Variants in EDNRB observed in about 807,000 individuals in gnomAD.
EDNRB encodes the protein Hirschsprung disease 2.
Under a neutral mutation model 46.4 loss-of-function variants are expected in EDNRB, and 18 were observed. That is an observed-to-expected ratio of 0.39 (90% CI 0.27 to 0.57). The LOEUF (loss-of-function observed/expected upper bound fraction) is 0.57. EDNRB is among the 20% of genes least tolerant of loss of function. EDNRB has a pLI of 0.61. For synonymous variants in EDNRB, 213 were observed against 204.9 expected (o/e 1.04, Z -0.34); for missense variants, 434 against 537.5 (o/e 0.81, Z 1.90).
intron 1 of EDNRB, among the ~76,000 whole-genome samples, chr13:77,928,888 AC>A (rs1177286641): frequency 6.6e-6 from 1 of 152,240 alleles, no homozygotes; most frequent in Non-Finnish European, 1.5e-5. Flanking sequence ...ATAACAAAAA[AC>A]ATCTTCCAAC....
chr13:77,897,911 T>G lies in EDNRB; in HGVS notation c.*289A>C, dbSNP rs1878716650. 3 of 1,142,462 alleles carry G rather than the reference T, an allele frequency of 2.6e-6. No individual in the cohort carries two copies. Among genetic ancestry groups the G allele is most frequent in the Non-Finnish European group, 3.2e-6 (3 of 924,952 alleles). The allele number at this position is 1,142,462 out of a possible 1,614,324, so 70.8% of individuals were successfully genotyped here. A position where few individuals can be genotyped will look rare whatever the true frequency, so the allele number is the denominator to read the frequency against. On this transcript the variant is annotated 3_prime_UTR_variant, in exon 7 of 7. Transcript: ENST00000646607. Reference sequence around the variant, plus strand: ...TGAGCTCATTTTTAAGCCTAAGTGTTGTGTGAATATCCTGGAAGTTGTTAA... The same window carrying G: ...TGAGCTCATTTTTAAGCCTAAGTGTGGTGTGAATATCCTGGAAGTTGTTAA...
rs201895581 is a variant in EDNRB at position 77,897,712 on chromosome 13, A to T, written c.*488T>A. The T allele has an allele frequency of 5.1e-6, 5 of 987,318 alleles. No homozygotes were observed. The South Asian group carries it at 2.3e-4, about 45-fold the overall frequency. The allele number at this position is 987,318 out of a possible 1,614,324, so 61.2% of individuals were successfully genotyped here. A position where few individuals can be genotyped will look rare whatever the true frequency, so the allele number is the denominator to read the frequency against. ...CTCATTTGCATCTAATTACAATCTGATAATAGTGTGATAATATTAATTGAA... is the reference window on the plus strand; with the variant it reads ...CTCATTTGCATCTAATTACAATCTGTTAATAGTGTGATAATATTAATTGAA... On this transcript the variant is annotated 3_prime_UTR_variant, in exon 7 of 7. Transcript: ENST00000646607.
At chr13:77,973,779 C>A (rs1024311547) in intron 1 of EDNRB, among the ~76,000 whole-genome samples, 12 of 151,976 alleles carry the variant, frequency 7.9e-5, no homozygotes, top group African/African-American at 2.7e-4. Context: ...CCTTTTATAA[C>A]CTTTTTTTTC....
intron 1 of EDNRB, among the ~76,000 whole-genome samples, chr13:77,911,385 T>C (rs542049785): frequency 2.6e-5 from 4 of 152,220 alleles, no homozygotes; most frequent in South Asian, 4.1e-4. Context: ...GTCTGATTAC[T>C]ATGGAATCTG....
intron 1 of EDNRB, among the ~76,000 whole-genome samples, chr13:77,956,642 G>C (rs575397099): frequency 6.6e-6 from 1 of 152,240 alleles, no homozygotes; most frequent in East Asian, 1.9e-4. Context: ...ATTTATTATT[G>C]TGCAGTAGGT....
intron 1 of EDNRB, among the ~76,000 whole-genome samples, chr13:77,972,712 T>C (rs186580118): frequency 3.9e-4 from 59 of 152,264 alleles, no homozygotes; most frequent in African/African-American, 1.4e-3. Context: ...ATGCAACAGT[T>C]TGAGGTGAAA....
chr13:77,902,017 G>C (rs1879016909), intron 3 of EDNRB, among the ~76,000 whole-genome samples: 1 of 151,902 alleles, frequency 6.6e-6, no homozygotes, highest in African/African-American at 2.4e-5. Flanking sequence ...GTTGGGAAGA[G>C]CCTTTTACAC....
intron 1 of EDNRB, among the ~76,000 whole-genome samples, chr13:77,931,874 AAG>A (rs539976434): frequency 2.0e-5 from 3 of 152,100 alleles, no homozygotes; most frequent in Non-Finnish European, 4.4e-5. Flanking sequence ...AATCATGAAT[AAG>A]AACTGCACGA....
At chr13:77,970,563 T>C (rs1881699452) in intron 1 of EDNRB, among the ~76,000 whole-genome samples, 1 of 152,150 alleles carries the variant, frequency 6.6e-6, no homozygotes, top group African/African-American at 2.4e-5. Flanking sequence ...TGTATAATTC[T>C]CTCAGGGGGC....
intron 1 of EDNRB, among the ~76,000 whole-genome samples, chr13:77,933,738 C>G (rs1462245524): frequency 6.6e-6 from 1 of 152,066 alleles, no homozygotes; most frequent in Non-Finnish European, 1.5e-5. Flanking sequence ...GGCGATGTTT[C>G]TCAGGGCTGC....
intron 1 of EDNRB, among the ~76,000 whole-genome samples, chr13:77,937,614 G>C (rs1192355302): frequency 6.6e-6 from 1 of 152,198 alleles, no homozygotes; most frequent in Non-Finnish European, 1.5e-5. Flanking sequence ...CTCTCTAAGA[G>C]GAAATTGTTG....
chr13:77,897,415 A>T lies in EDNRB; in HGVS notation c.*785T>A. 1 of 985,120 alleles carries T rather than the reference A, an allele frequency of 1.0e-6. No individual in the cohort carries two copies. Among genetic ancestry groups the T allele is most frequent in the Non-Finnish European group, 1.2e-6 (1 of 829,790 alleles). 61.0% of individuals were successfully genotyped at this position (985,120 alleles called of 1,614,324 possible). ...TTTGGGATAGCCTTTCAAACATTCT[A>T]TTTCTCTTTGTGAGGTTTGATCTTA... On this transcript the variant is annotated 3_prime_UTR_variant, in exon 7 of 7. Coordinates refer to ENST00000646607, the MANE Select transcript of EDNRB (RefSeq NM_001122659.3).
At chr13:77,903,738 ACTT>A (rs1879126037) in intron 1 of EDNRB, 131 bp from the exon 2 acceptor site, 2 of 771,644 alleles carry the variant, frequency 2.6e-6, no homozygotes, top group Admixed American at 2.1e-5. Context: ...CTCATGGACT[ACTT>A]CTTTGAAAAG....
At chr13:77,941,567 C>T (rs920554914) in intron 1 of EDNRB, among the ~76,000 whole-genome samples, 5 of 152,342 alleles carry the variant, frequency 3.3e-5, no homozygotes, top group East Asian at 1.9e-4. Context: ...ATTTTCCTCA[C>T]AGCAGCTTCA....
chr13:77,916,336 T>C (rs892727022), intron 1 of EDNRB, among the ~76,000 whole-genome samples: 1 of 152,226 alleles, frequency 6.6e-6, no homozygotes. Context: ...CAAATTAGAA[T>C]GGGAAGATTT....
At chr13:77,906,134 A>T (rs989658582) in intron 1 of EDNRB, among the ~76,000 whole-genome samples, 5 of 151,794 alleles carry the variant, frequency 3.3e-5, no homozygotes, top group Non-Finnish European at 4.4e-5. Flanking sequence ...GGACTTGCTG[A>T]TGGGTTGGAC....
intron 4 of EDNRB, 51 bp downstream of exon 4, chr13:77,901,007 T>C (rs1398356783): frequency 1.3e-6 from 2 of 1,589,870 alleles, no homozygotes; most frequent in Admixed American, 1.7e-5. Context: ...AATTTTCATA[T>C]TCATAATTAT....
At chr13:77,970,677 C>T (rs971625323) in intron 1 of EDNRB, among the ~76,000 whole-genome samples, 1 of 151,878 alleles carries the variant, frequency 6.6e-6, no homozygotes, top group Non-Finnish European at 1.5e-5. Context: ...TTTTAAAAAC[C>T]GTGGTCATGG....
chr13:77,967,730 A>C (rs1276433941), intron 1 of EDNRB, among the ~76,000 whole-genome samples: 1 of 152,202 alleles, frequency 6.6e-6, no homozygotes, highest in Non-Finnish European at 1.5e-5. Context: ...TTTTAGTATT[A>C]TCAGTTGACA....
Sources: allele counts gnomAD v4.1 joint callset (sites outside exome capture counted in the v4.1 genomes callset), GRCh38; gene constraint gnomAD v4.1.1; transcripts MANE v1.5; gene names NCBI Gene and HGNC (gene_info 2026-07-23, HGNC 2026-07-21).